The following EVC2 variants were observed in gnomAD, a reference collection of about 807,000 sequenced individuals.
EVC2 encodes limbin.
In EVC2, 148 loss-of-function variants were observed where a neutral mutation model predicts 149.3. That is an observed-to-expected ratio of 0.99 (90% CI 0.87 to 1.14). EVC2 has a LOEUF of 1.14. Among genes scored for constraint, EVC2 ranks in the 50% most tolerant of loss-of-function variants. EVC2 has a pLI of 0.00. For missense variants in EVC2, 1,854 were observed against 1,627.3 expected (o/e 1.14, Z -2.40); for synonymous variants, 776 against 649.9 (o/e 1.19, Z -2.95).
At chr4:5,599,585 G>A (rs185268024) in intron 16 of EVC2, among the ~76,000 whole-genome samples, 10 of 152,130 alleles carry the variant, frequency 6.6e-5, no homozygotes, top group Non-Finnish European at 1.0e-4. Context: ...GTGGGCAGAG[G>A]GGGGAGGGAT....
chr4:5,544,726 G>A (rs780205721), intron 21 of EVC2, among the ~76,000 whole-genome samples: 1 of 152,202 alleles, frequency 6.6e-6, no homozygotes, highest in Non-Finnish European at 1.5e-5. Context: ...AAGAGAGGGG[G>A]TGAGGAGTTA....
intron 16 of EVC2, among the ~76,000 whole-genome samples, chr4:5,604,033 T>G (rs570772928): frequency 4.3e-4 from 66 of 152,312 alleles, no homozygotes; most frequent in African/African-American, 1.5e-3. Context: ...CTTTGTGACC[T>G]TGGATAAGCC....
rs183586059 is a variant in EVC2, at chr4:5,638,361, T to A, written c.1470+2153A>T. Among the ~76,000 whole-genome samples, 971 of 151,462 alleles carry A rather than the reference T, an allele frequency of 6.4e-3. 8 individuals carry two copies. Among genetic ancestry groups the A allele is most frequent in the African/African-American group, 0.023 (929 of 41,194 alleles). ...CCAAGACTGCACCACTGCACTGCGA[T>A]CTGGGTGACAGAGTGAGACTCTATC... On this transcript the variant is annotated intron_variant, in intron 10 of 21. Transcript: ENST00000344408.
Position 5,567,126 on chromosome 4 carries a change from G to A in EVC2, c.3557+1318C>T, listed in dbSNP as rs965250482. Among the ~76,000 whole-genome samples, 1 of 151,920 alleles carries A rather than the reference G, an allele frequency of 6.6e-6. No homozygotes were observed. Among genetic ancestry groups the A allele is most frequent in the Non-Finnish European group, 1.5e-5 (1 of 67,996 alleles). On this transcript the variant is annotated intron_variant, in intron 20 of 21. Transcript: ENST00000344408. This position sits in a 1 kb window ranked among gnomAD's most constrained non-coding sequence, Gnocchi z 4.4. ...CTGACCAGCCCACACCCAGCCCTCT[G>A]ACCACGCCAACAACCAGACCTCTGA...
intron 6 of EVC2, among the ~76,000 whole-genome samples, chr4:5,682,335 C>G (rs1488538035): frequency 6.7e-6 from 1 of 148,840 alleles, no homozygotes; most frequent in Admixed American, 6.7e-5. Flanking sequence ...TACTAAAAAT[C>G]AAAAATTAGC....
intron 9 of EVC2, among the ~76,000 whole-genome samples, chr4:5,656,661 T>C (rs544000336): frequency 2.6e-4 from 39 of 152,130 alleles, no homozygotes; most frequent in Admixed American, 6.5e-4. Context: ...TGCTGCAGCC[T>C]TGGAAGCCCC....
At chr4:5,560,654 G>T (rs1173594307), downstream of EVC2, among the ~76,000 whole-genome samples, 3 of 152,130 alleles carry the variant, frequency 2.0e-5, no homozygotes, top group African/African-American at 7.2e-5. This position sits in a 1 kb window ranked among gnomAD's most constrained non-coding sequence, Gnocchi z 4.1. Flanking sequence ...AACCATATCA[G>T]ATGGATTTTT....
Position 5,685,201 on chromosome 4 carries a change from C to G in EVC2, c.816+169G>C, listed in dbSNP as rs558677362. Among the ~76,000 whole-genome samples, 5 of 152,264 alleles carry G rather than the reference C, an allele frequency of 3.3e-5. No individual in the cohort carries two copies. In the East Asian group the frequency reaches 9.7e-4, roughly 29 times the overall value. On this transcript the variant is annotated intron_variant, in intron 6 of 21. Coordinates refer to ENST00000344408, the MANE Select transcript of EVC2 (RefSeq NM_147127.5). ...GTCACATGGGCATTACTAAGGGAGC[C>G]CAGTTCATGGCAAGGCGTGTGAGAC...
At chr4:5,681,347 C>T in intron 6 of EVC2, 34 bp from the exon 7 acceptor site, 1 of 1,612,264 alleles carries the variant, frequency 6.2e-7, no homozygotes, top group Non-Finnish European at 8.5e-7. Flanking sequence ...CTTTCAGCAA[C>T]AGTTTGGGGT....
intron 13 of EVC2, 34 bp from the exon 14 acceptor site, chr4:5,623,025 G>T (rs1470173263): frequency 1.2e-6 from 2 of 1,602,758 alleles, no homozygotes; most frequent in South Asian, 2.2e-5. Flanking sequence ...AAGTGGGGGT[G>T]GGGCTTGGCG....
chr4:5,649,556 G>A (rs1717963640), intron 9 of EVC2, among the ~76,000 whole-genome samples: 1 of 149,144 alleles, frequency 6.7e-6, no homozygotes, highest in Non-Finnish European at 1.5e-5. Flanking sequence ...CAAATGGCAA[G>A]CAAGGTGTCA....
intron 21 of EVC2, among the ~76,000 whole-genome samples, chr4:5,545,387 T>C (rs778885972): frequency 1.3e-5 from 2 of 152,280 alleles, no homozygotes; most frequent in Admixed American, 6.5e-5. Context: ...ACTCTGGAAT[T>C]TGCTAAGCTG....
intron 21 of EVC2, among the ~76,000 whole-genome samples, chr4:5,546,212 G>A (rs546348301): frequency 1.8e-4 from 27 of 152,240 alleles, no homozygotes; most frequent in South Asian, 8.3e-4. Flanking sequence ...TCCCATTACT[G>A]GGTATATACC....
Position 5,563,133 on chromosome 4 carries a change from G to A in EVC2, c.3660-18C>T, listed in dbSNP as rs6853237. On this transcript the variant is annotated intron_variant, in intron 21 of 21. Transcript: ENST00000344408. ...TTAATATGCTAAAGAAATAGCAAAA[G>A]ATCAAATTCAATATTTTTGGCAATG... The A allele has an allele frequency of 1.9e-6, 3 of 1,608,628 alleles. No homozygotes were observed. The highest frequency in any genetic ancestry group is 2.5e-6 in the Non-Finnish European group (3 of 1,178,104).
rs1250196247 is a variant in EVC2 at position 5,576,640 on chromosome 4, A to T, written c.3058-186T>A. Among the ~76,000 whole-genome samples, 1 of 152,124 alleles carries T rather than the reference A, an allele frequency of 6.6e-6. No individual in the cohort carries two copies. The highest frequency in any genetic ancestry group is 1.5e-5 in the Non-Finnish European group (1 of 68,028). On this transcript the variant is annotated intron_variant, in intron 17 of 21. Coordinates refer to ENST00000344408, the MANE Select transcript of EVC2 (RefSeq NM_147127.5). The surrounding 1 kb of genome is among the most constrained non-coding windows in gnomAD (Gnocchi z 4.5). ...GATCTCTCACCCCTGTGTCACCTCC[A>T]TGCCTCCACATAGGCCGTTCCCTCC...
At chr4:5,610,794 C>CTTT (rs10690279) in intron 16 of EVC2, among the ~76,000 whole-genome samples, 6,207 of 126,324 alleles carry the variant, frequency 0.049, 278 homozygotes, top group African/African-American at 0.09. Flanking sequence ...TTTTCCTTTT[C>CTTT]TTTTTTTTTT....
chr4:5,662,218 G>A (rs960720366), intron 9 of EVC2, among the ~76,000 whole-genome samples: 4 of 151,812 alleles, frequency 2.6e-5, no homozygotes, highest in East Asian at 1.9e-4. Flanking sequence ...TCGTTTCCAC[G>A]CTTAATCAAC....
intron 16 of EVC2, among the ~76,000 whole-genome samples, chr4:5,592,248 G>A (rs1374037685): frequency 6.6e-6 from 1 of 152,162 alleles, no homozygotes; most frequent in Non-Finnish European, 1.5e-5. Flanking sequence ...CAGATAAGAG[G>A]GGCTTCCTAC....
intron 9 of EVC2, among the ~76,000 whole-genome samples, chr4:5,649,524 T>C (rs532886267): frequency 6.4e-4 from 97 of 152,034 alleles, no homozygotes; most frequent in Admixed American, 2.2e-3. Flanking sequence ...TTATTTCACA[T>C]AAAAATTAAT....
Sources: allele counts gnomAD v4.1 joint callset (sites outside exome capture counted in the v4.1 genomes callset), GRCh38; gene constraint gnomAD v4.1.1; non-coding constraint Gnocchi (gnomAD v3.1); transcripts MANE v1.5; gene names NCBI Gene and HGNC (gene_info 2026-07-23, HGNC 2026-07-21).